Variants in PTPRN2 observed in about 807,000 individuals in gnomAD.
PTPRN2 encodes protein tyrosine phosphatase receptor type N2.
In PTPRN2, 74 loss-of-function variants were observed where a neutral mutation model predicts 118.8. That is an observed-to-expected ratio of 0.62 (90% CI 0.52 to 0.76). PTPRN2 has a LOEUF of 0.76. Ranked by LOEUF, PTPRN2 falls within the 30% of genes least tolerant of loss-of-function variation. The probability of loss-of-function intolerance (pLI) is 0.00; values close to 1 mark genes in which losing one functional copy is unlikely to be tolerated. For missense variants in PTPRN2, 1,481 were observed against 1,394.4 expected, an observed-to-expected ratio of 1.06 and a Z score of -0.99; for synonymous variants, 641 against 608.0, an observed-to-expected ratio of 1.05 and a Z score of -0.80.
chr7:158,468,334 A>C (rs1819535592), intron 2 of PTPRN2, among the ~76,000 whole-genome samples: 1 of 152,218 alleles, frequency 6.6e-6, no homozygotes. Flanking sequence ...GCTTTGTTAC[A>C]CAAAGCACAG....
At chr7:157,648,659 C>T (rs1218475506) in intron 14 of PTPRN2, among the ~76,000 whole-genome samples, 44 of 141,596 alleles carry the variant, frequency 3.1e-4, no homozygotes, top group African/African-American at 1.1e-3. Flanking sequence ...GCACTGAACT[C>T]GGTGGGTCAG....
intron 11 of PTPRN2, among the ~76,000 whole-genome samples, chr7:157,981,467 A>G (rs1803143022): frequency 6.6e-6 from 1 of 152,164 alleles, no homozygotes; most frequent in South Asian, 2.1e-4. Context: ...CAACACACCA[A>G]CACACACACA....
At chr7:158,334,352 A>C (rs897949342) in intron 2 of PTPRN2, among the ~76,000 whole-genome samples, 7 of 38,230 alleles carry the variant, frequency 1.8e-4, no homozygotes, top group East Asian at 1.7e-3. Flanking sequence ...CCACACTCTC[A>C]CCATAAGAGC....
chr7:157,655,942 C>G (rs1169132156), intron 14 of PTPRN2, among the ~76,000 whole-genome samples: 1 of 151,846 alleles, frequency 6.6e-6, no homozygotes, highest in Non-Finnish European at 1.5e-5. Context: ...GCTGTCACAG[C>G]AGTGACATTT....
chr7:158,156,038 A>G (rs1017584479), intron 6 of PTPRN2, among the ~76,000 whole-genome samples: 7 of 152,164 alleles, frequency 4.6e-5, no homozygotes, highest in Non-Finnish European at 1.0e-4. Flanking sequence ...AAACAACACA[A>G]GTGTAGTAAA....
chr7:157,731,321 A>G (rs1243924960), intron 12 of PTPRN2, among the ~76,000 whole-genome samples: 6 of 152,186 alleles, frequency 3.9e-5, no homozygotes, highest in Non-Finnish European at 8.8e-5. Flanking sequence ...TCGTGTGACA[A>G]CTGCCTGCTC....
chr7:157,727,945 C>A (rs1251660212), intron 12 of PTPRN2, among the ~76,000 whole-genome samples: 2 of 152,192 alleles, frequency 1.3e-5, no homozygotes, highest in South Asian at 2.1e-4. Context: ...ACACTCAGAG[C>A]CTCCTCCCAG....
At position 157,662,773 on chromosome 7, in the gene PTPRN2, G is replaced by T. The variant is rs528857204; in HGVS notation, c.2002-6222C>A. 2.0e-5 allele frequency among the ~76,000 whole-genome samples: 3 copies of T among 152,322 alleles called. No homozygotes were observed. In the South Asian group the frequency reaches 6.2e-4, roughly 32 times the overall value. On this transcript the variant is annotated intron_variant, in intron 13 of 22. Coordinates refer to ENST00000389418, the MANE Select transcript of PTPRN2 (RefSeq NM_002847.5). ...GCACAGCGCTCTGCATCCATGCCGC[G>T]ACTGCTTTCGGAATGTGCTTTTCCA...
chr7:157,691,248 G>A (rs190146619), intron 12 of PTPRN2, among the ~76,000 whole-genome samples: 1 of 151,690 alleles, frequency 6.6e-6, no homozygotes, highest in Non-Finnish European at 1.5e-5. Context: ...CGTTCATACT[G>A]GGCAAGTTCA....
chr7:158,130,312 T>C (rs1020556166), intron 9 of PTPRN2, among the ~76,000 whole-genome samples: 2 of 152,070 alleles, frequency 1.3e-5, no homozygotes, highest in African/African-American at 2.4e-5. Flanking sequence ...AAGGAAGAAA[T>C]ACCCGAACAG....
chr7:157,812,440 G>A (rs780333955), intron 12 of PTPRN2, among the ~76,000 whole-genome samples: 15 of 152,152 alleles, frequency 9.9e-5, no homozygotes, highest in Admixed American at 3.3e-4. Flanking sequence ...TTCTGAGGAG[G>A]GCGTCCTGAG....
chr7:157,769,326 A>T (rs937901265), intron 12 of PTPRN2, among the ~76,000 whole-genome samples: 3 of 152,174 alleles, frequency 2.0e-5, no homozygotes, highest in Non-Finnish European at 4.4e-5. Flanking sequence ...GAGAGGCCAC[A>T]GCTAATGAGC....
chr7:158,215,738 T>A (rs1827907716), intron 3 of PTPRN2, among the ~76,000 whole-genome samples: 1 of 152,092 alleles, frequency 6.6e-6, no homozygotes, highest in Non-Finnish European at 1.5e-5. Flanking sequence ...GAAAAATATG[T>A]CAACCCAGAA....
chr7:157,616,192 C>T (rs746476954), intron 15 of PTPRN2: 6 of 154,690 alleles, frequency 3.9e-5, no homozygotes, highest in Non-Finnish European at 7.2e-5. Context: ...GGCCAGACAT[C>T]TTACCAACCT....
At chr7:157,548,391 C>T (rs539115823) in intron 22 of PTPRN2, among the ~76,000 whole-genome samples, 1 of 152,282 alleles carries the variant, frequency 6.6e-6, no homozygotes, top group African/African-American at 2.4e-5. Flanking sequence ...ACCCCAGCCT[C>T]AGGGCCAGAG....
chr7:158,369,835 T>C (rs966786185), intron 2 of PTPRN2, among the ~76,000 whole-genome samples: 1 of 152,118 alleles, frequency 6.6e-6, no homozygotes, highest in African/African-American at 2.4e-5. Flanking sequence ...CTGATTTGTG[T>C]TCTCAAATTT....
At position 157,771,448 on chromosome 7, in the gene PTPRN2, C is replaced by T. The variant is rs1802797066; in HGVS notation, c.1789-88511G>A. 2.0e-5 allele frequency among the ~76,000 whole-genome samples: 3 copies of T among 152,354 alleles called. No individual in the cohort carries two copies. In the South Asian group the frequency reaches 6.2e-4, roughly 32 times the overall value. On this transcript the variant is annotated intron_variant, in intron 12 of 22. Transcript: ENST00000389418. ...CCAGTTCATGCCCTTCTGTGGCTTG[C>T]AGCAGCTGACACTGACACCTCTTTG...
rs1357580918 is a variant in PTPRN2 at position 157,784,618 on chromosome 7, A to C, written c.1789-101681T>G. On this transcript the variant is annotated intron_variant, in intron 12 of 22. Transcript: ENST00000389418. The surrounding 1 kb of genome is among the most constrained non-coding windows in gnomAD (Gnocchi z 4.6). ...CATGAAACGGGCAGGGGCTGGGCTG[A>C]TCCCATATGAAACGGGCAGGGGCTG... Among the ~76,000 whole-genome samples the C allele has an allele frequency of 8.3e-6, 1 of 120,618 alleles. No individual in the cohort carries two copies. The highest frequency in any genetic ancestry group is 1.9e-5 in the Non-Finnish European group (1 of 52,912). 79.1% of individuals were successfully genotyped at this position (120,618 alleles called of 152,430 possible). A position where few individuals can be genotyped will look rare whatever the true frequency, so the allele number is the denominator to read the frequency against.
intron 2 of PTPRN2, among the ~76,000 whole-genome samples, chr7:158,398,579 A>G (rs1307005266): frequency 6.6e-6 from 1 of 152,266 alleles, no homozygotes; most frequent in Non-Finnish European, 1.5e-5. Flanking sequence ...ATTTTTAAAC[A>G]TCATGCTTGC....
Sources: gnomAD v4.1 joint callset for allele counts (sites outside exome capture counted in the v4.1 genomes callset) on GRCh38, gnomAD v4.1.1 for gene constraint, Gnocchi (gnomAD v3.1) non-coding constraint, MANE v1.5 for transcripts, NCBI Gene and HGNC (gene_info 2026-07-23, HGNC 2026-07-21) for gene names.